The following CGGBP1 variants were observed in gnomAD, a reference collection of about 807,000 sequenced individuals.
The protein encoded by CGGBP1 is CGG triplet repeat binding protein 1, also known as CGG triplet repeat-binding protein 1.
Under a neutral mutation model 11.4 loss-of-function variants are expected in CGGBP1, and 4 were observed. The observed-to-expected ratio is 0.35, with a 90% CI of 0.17 to 0.80. The LOEUF (loss-of-function observed/expected upper bound fraction) is 0.80, where lower values mean the gene tolerates loss of function less well. Among genes scored for constraint, CGGBP1 ranks in the 30% least tolerant of loss-of-function variants. CGGBP1 has a pLI of 0.52. For synonymous variants in CGGBP1, 76 were observed against 74.1 expected (o/e 1.03, Z -0.13); for missense variants, 135 against 202.1 (o/e 0.67, Z 2.01).
intron 2 of CGGBP1, chr3:88,095,356 CAG>C (rs1703995506): frequency 3.6e-6 from 1 of 274,550 alleles, no homozygotes. Context: ...AAGGAAGAGA[CAG>C]GAATGTGAAT....
Position 88,119,349 on chromosome 3 carries a change from C to T in CGGBP1, c.-229+21621G>A, listed in dbSNP as rs1237214757. On this transcript the variant is annotated intron_variant, in intron 2 of 3. Transcript: ENST00000462901. ...GAATTGAACAATGAGAACACATGGA[C>T]ATAGGAAGGGGAACATCACACTCTG... Among the ~76,000 whole-genome samples the T allele has an allele frequency of 2.5e-5, 3 of 121,818 alleles. No homozygotes were observed. In the East Asian group the frequency reaches 7.7e-4, roughly 31 times the overall value. 79.9% of individuals were successfully genotyped at this position (121,818 alleles called of 152,430 possible).
At chr3:88,069,088 G>GA (rs1460013861) in intron 2 of CGGBP1, among the ~76,000 whole-genome samples, 1 of 152,048 alleles carries the variant, frequency 6.6e-6, no homozygotes, top group South Asian at 2.1e-4. Flanking sequence ...TGAAACAGAA[G>GA]AAAAAAATCA....
intron 2 of CGGBP1, among the ~76,000 whole-genome samples, chr3:88,085,761 T>C (rs896503213): frequency 2.6e-5 from 4 of 152,184 alleles, no homozygotes; most frequent in Admixed American, 1.3e-4. Context: ...TCTGGACTCT[T>C]TTCCCCATAG....
At chr3:88,132,672 G>C (rs1019403107) in intron 2 of CGGBP1, among the ~76,000 whole-genome samples, 1 of 152,192 alleles carries the variant, frequency 6.6e-6, no homozygotes, top group Non-Finnish European at 1.5e-5. Context: ...GGATATTGCA[G>C]TGTACCTATT....
chr3:88,128,714 AT>A (rs1706269383), intron 2 of CGGBP1: 2 of 819,874 alleles, frequency 2.4e-6, no homozygotes, highest in East Asian at 5.4e-5. Flanking sequence ...GTTAAATCTA[AT>A]TAGAAACCAT....
At chr3:88,067,462 A>G (rs189124353) in intron 2 of CGGBP1, among the ~76,000 whole-genome samples, 55 of 152,314 alleles carry the variant, frequency 3.6e-4, no homozygotes. Context: ...GAGCTCACAT[A>G]GGGAGAGAAA....
rs183786973 is a variant in CGGBP1, at chr3:88,105,008, C to T, written c.-229+35962G>A. Among the ~76,000 whole-genome samples, 56 of 152,224 alleles carry T rather than the reference C, an allele frequency of 3.7e-4. 1 individual carries two copies. In the East Asian group the frequency reaches 9.8e-3, roughly 27 times the overall value. On this transcript the variant is annotated intron_variant, in intron 2 of 3. Transcript: ENST00000462901. ...ACCAAAAATTAGTCAGGTGTGGTGG[C>T]GCGCGCCTGTAATCCCAGCTACTCG... is the stretch of plus-strand genomic sequence containing the variant.
intron 1 of CGGBP1, chr3:88,143,744 G>A (rs1707233739): frequency 6.6e-6 from 1 of 151,960 alleles, no homozygotes; most frequent in Non-Finnish European, 1.5e-5. Context: ...AATTATTTCT[G>A]CAAGACTGAG....
chr3:88,135,136 C>T (rs1475140112), intron 2 of CGGBP1: 5 of 1,490,068 alleles, frequency 3.4e-6, no homozygotes, highest in Non-Finnish European at 4.4e-6. Context: ...ATCAATGCTA[C>T]CAGCTTTTAA....
intron 2 of CGGBP1, among the ~76,000 whole-genome samples, chr3:88,065,053 G>T (rs922208375): frequency 2.6e-5 from 4 of 152,104 alleles, no homozygotes; most frequent in African/African-American, 9.7e-5. Context: ...TAATTGCATT[G>T]ATAAATTTAA....
chr3:88,144,109 T>C (rs1238519509), intron 1 of CGGBP1: 2 of 152,350 alleles, frequency 1.3e-5, no homozygotes, highest in African/African-American at 2.4e-5. Flanking sequence ...TTCTGCTGTG[T>C]GTCAGTAAGG....
At chr3:88,111,685 A>G (rs1160819768) in intron 2 of CGGBP1, among the ~76,000 whole-genome samples, 1 of 151,952 alleles carries the variant, frequency 6.6e-6, no homozygotes, top group Non-Finnish European at 1.5e-5. Flanking sequence ...TTATATATGT[A>G]TATTTCGAGG....
intron 2 of CGGBP1, among the ~76,000 whole-genome samples, chr3:88,087,958 G>A (rs111969725): frequency 0.011 from 1,677 of 152,202 alleles, 24 homozygotes; most frequent in African/African-American, 0.038. Flanking sequence ...TCATTGGAAC[G>A]TTACAGATTT....
At chr3:88,131,142 G>C (rs1256101286) in intron 2 of CGGBP1, among the ~76,000 whole-genome samples, 2 of 152,164 alleles carry the variant, frequency 1.3e-5, no homozygotes, top group Non-Finnish European at 2.9e-5. Context: ...CTACAAACCT[G>C]TATGGCAGTG....
chr3:88,132,879 A>C (rs1706548784), intron 2 of CGGBP1, among the ~76,000 whole-genome samples: 1 of 152,212 alleles, frequency 6.6e-6, no homozygotes, highest in Admixed American at 6.5e-5. Context: ...GTTAGTTTGC[A>C]AGTGATAGCA....
intron 2 of CGGBP1, among the ~76,000 whole-genome samples, chr3:88,111,491 G>T (rs1705086169): frequency 6.6e-6 from 1 of 151,220 alleles, no homozygotes; most frequent in East Asian, 1.9e-4. Context: ...AATATATCTT[G>T]GAATTTTTTA....
chr3:88,075,998 CTT>C (rs1707783197), intron 2 of CGGBP1, among the ~76,000 whole-genome samples: 1 of 152,192 alleles, frequency 6.6e-6, no homozygotes, highest in South Asian at 2.1e-4. Context: ...TGAGACCTAA[CTT>C]TGACTTTCTG....
chr3:88,138,420 C>T (rs1706930714), intron 2 of CGGBP1, among the ~76,000 whole-genome samples: 1 of 147,246 alleles, frequency 6.8e-6, no homozygotes, highest in Non-Finnish European at 1.5e-5. Context: ...GTTTATGAAT[C>T]ACCATAAGTC....
chr3:88,055,406 CCACA>C lies in CGGBP1; in HGVS notation c.*63_*66del. 1 of 1,338,016 alleles carries C rather than the reference CCACA, an allele frequency of 7.5e-7. No homozygotes were observed. Among genetic ancestry groups the C allele is most frequent in the Non-Finnish European group, 1.0e-6 (1 of 993,326 alleles). The allele number at this position is 1,338,016 out of a possible 1,614,324, so 82.9% of individuals were successfully genotyped here. On this transcript the variant is annotated 3_prime_UTR_variant, in exon 4 of 4. Coordinates refer to ENST00000482016, the MANE Select transcript of CGGBP1 (RefSeq NM_001008390.2). This position sits in a 1 kb window ranked among gnomAD's most constrained non-coding sequence, Gnocchi z 4.2. ...TAAATGAAATAAATACAAAAATGAA[CCACA>C]CAATCAACACATAACTTTAATACTC...
Sources: gnomAD v4.1 joint callset for allele counts (sites outside exome capture counted in the v4.1 genomes callset) on GRCh38, gnomAD v4.1.1 for gene constraint, Gnocchi (gnomAD v3.1) non-coding constraint, MANE v1.5 for transcripts, NCBI Gene and HGNC (gene_info 2026-07-23, HGNC 2026-07-21) for gene names.